SHOC2: variants seen among roughly 807,000 people sequenced by gnomAD.
SHOC2 encodes leucine-rich repeat protein SHOC-2.
SHOC2 carries 4 observed loss-of-function variants against 50.2 expected under a neutral mutation model. The ratio of observed to expected loss-of-function variants is 0.08; its 90% confidence interval spans 0.04 to 0.18. The LOEUF (loss-of-function observed/expected upper bound fraction) is 0.18, where lower values mean the gene tolerates loss of function less well. SHOC2 is among the 10% of genes least tolerant of loss of function. SHOC2 has a pLI of 1.00. For synonymous variants in SHOC2, 218 were observed against 244.5 expected (o/e 0.89, Z 1.01); for missense variants, 388 against 669.6 (o/e 0.58, Z 4.64).
At chr10:110,989,171 G>A (rs80337471) in intron 3 of SHOC2, among the ~76,000 whole-genome samples, 3,387 of 152,240 alleles carry the variant, frequency 0.022, 108 homozygotes, top group African/African-American at 0.071. Context: ...TTCTACTTTT[G>A]TTGGGTGGAG....
chr10:110,976,905 A>G (rs1203640506), intron 2 of SHOC2, among the ~76,000 whole-genome samples: 2 of 152,086 alleles, frequency 1.3e-5, no homozygotes, highest in African/African-American at 4.8e-5. Context: ...ATTAGACTTT[A>G]CATTTTAAGT....
chr10:110,977,640 T>G (rs1847901761), intron 2 of SHOC2, among the ~76,000 whole-genome samples: 1 of 152,236 alleles, frequency 6.6e-6, no homozygotes. Flanking sequence ...AGTGCTGGAC[T>G]TTGTTCTGGC....
At chr10:110,979,860 C>T (rs1328982891) in intron 2 of SHOC2, among the ~76,000 whole-genome samples, 1 of 140,186 alleles carries the variant, frequency 7.1e-6, no homozygotes. Context: ...TCAACCCAAG[C>T]TCAGTATCTT....
intron 2 of SHOC2, among the ~76,000 whole-genome samples, chr10:110,966,816 T>C (rs1414532298): frequency 6.6e-6 from 1 of 152,196 alleles, no homozygotes; most frequent in Non-Finnish European, 1.5e-5. Flanking sequence ...ATTAGTGACA[T>C]TACTGAAGTT....
chr10:110,976,542 G>A (rs1847881860), intron 2 of SHOC2, among the ~76,000 whole-genome samples: 1 of 152,000 alleles, frequency 6.6e-6, no homozygotes, highest in Admixed American at 6.6e-5. Context: ...AAACTCCTGG[G>A]CTCAAGCAAT....
intron 2 of SHOC2, among the ~76,000 whole-genome samples, chr10:110,983,671 C>T (rs959499758): frequency 5.3e-5 from 8 of 152,154 alleles, no homozygotes; most frequent in Non-Finnish European, 1.2e-4. Flanking sequence ...ACAATAAGTC[C>T]TCATTCCCCT....
intron 1 of SHOC2, among the ~76,000 whole-genome samples, chr10:110,932,650 A>C (rs1008875331): frequency 6.6e-6 from 1 of 152,122 alleles, no homozygotes; most frequent in Non-Finnish European, 1.5e-5. Flanking sequence ...CTTAGATGTT[A>C]TCTCTTTTAA....
intron 2 of SHOC2, among the ~76,000 whole-genome samples, chr10:110,974,374 A>G (rs1352556565): frequency 6.6e-6 from 1 of 152,094 alleles, no homozygotes; most frequent in African/African-American, 2.4e-5. Context: ...AATGCAGTTG[A>G]AAAGACTATA....
rs1564705752 is a variant in SHOC2 at position 110,940,910 on chromosome 10, G to GGTTTTTTTTTTTT, written c.-235+21253_-235+21254insGTTTTTTTTTTTT. On this transcript the variant is annotated intron_variant, in intron 1 of 8. Coordinates refer to ENST00000369452, the MANE Select transcript of SHOC2 (RefSeq NM_007373.4). ...GACAAAATAGTGGTATTTGTGGTGG[G>GGTTTTTTTTTTTT]TTTTTTTTTTTTTTTTTTTTTTTTT... 3.3e-5 allele frequency among the ~76,000 whole-genome samples: 4 copies of GGTTTTTTTTTTTT among 119,504 alleles called. 1 individual carries two copies. The highest frequency in any genetic ancestry group is 6.4e-5 in the African/African-American group (2 of 31,418). The allele number at this position is 119,504 out of a possible 152,430, so 78.4% of individuals were successfully genotyped here.
chr10:110,963,915 C>A (rs1010200396), intron 1 of SHOC2, among the ~76,000 whole-genome samples: 1 of 152,252 alleles, frequency 6.6e-6, no homozygotes, highest in East Asian at 1.9e-4. Context: ...TACATTCATA[C>A]ATCTTCCTAT....
chr10:110,921,997 T>A (rs543325352), intron 1 of SHOC2, among the ~76,000 whole-genome samples: 1 of 152,230 alleles, frequency 6.6e-6, no homozygotes, highest in Non-Finnish European at 1.5e-5. Flanking sequence ...AACTACCGTA[T>A]TCAGAAAGTT....
chr10:110,985,703 G>A lies in SHOC2; in HGVS notation c.779G>A (p.Cys260Tyr). 1 of 1,612,618 alleles carries A rather than the reference G, an allele frequency of 6.2e-7. No homozygotes were observed. Among genetic ancestry groups the A allele is most frequent in the Non-Finnish European group, 8.5e-7 (1 of 1,179,278 alleles). Residue 260 changes from cysteine to tyrosine, a missense_variant, in exon 3 of 9, where the codon TGT becomes TAT. Around this residue, in one of 5 missense-constraint regions of SHOC2, gnomAD observed 88 missense variants for 147.2 expected, o/e 0.60. Coordinates refer to ENST00000369452, the MANE Select transcript of SHOC2 (RefSeq NM_007373.4). ...LEHLPKEIGN[C>Y]TQITNLDLQH... The stretch of plus-strand genomic sequence containing the variant: ...CACCTTCCAAAGGAGATTGGAAACT[G>A]TACACAGATAACCAACCTTGACTTG...
At chr10:110,956,043 A>G (rs1031773245) in intron 1 of SHOC2, among the ~76,000 whole-genome samples, 3 of 152,238 alleles carry the variant, frequency 2.0e-5, no homozygotes, top group African/African-American at 2.4e-5. Context: ...ACCCAAATAT[A>G]TGGCTATGTA....
intron 1 of SHOC2, among the ~76,000 whole-genome samples, chr10:110,936,438 C>T (rs967788052): frequency 1.3e-5 from 2 of 152,098 alleles, no homozygotes; most frequent in Admixed American, 6.5e-5. Flanking sequence ...TTCCCTCCTC[C>T]TTCACATGTT....
In SHOC2 at chr10:110,957,537, C is replaced by T. The variant is rs56137343; in HGVS notation, c.-234-6588C>T. On this transcript the variant is annotated intron_variant, in intron 1 of 8. Transcript: ENST00000369452. The stretch of plus-strand genomic sequence containing the variant: ...AGATTCTTAATCATGAAGATACCCC[C>T]CCCCCAGCCCACAATTTCCAACTCA... 4.4e-4 allele frequency among the ~76,000 whole-genome samples: 66 copies of T among 150,064 alleles called. 1 individual carries two copies. Among genetic ancestry groups the T allele is most frequent in the African/African-American group, 1.3e-3 (52 of 40,728 alleles).
chr10:110,938,571 G>A (rs1847075896), intron 1 of SHOC2, among the ~76,000 whole-genome samples: 1 of 152,080 alleles, frequency 6.6e-6, no homozygotes, highest in South Asian at 2.1e-4. Flanking sequence ...GATATTGATA[G>A]ATATTTCCCA....
At chr10:110,959,212 A>G (rs1238794187) in intron 1 of SHOC2, among the ~76,000 whole-genome samples, 1 of 152,178 alleles carries the variant, frequency 6.6e-6, no homozygotes, top group Non-Finnish European at 1.5e-5. Context: ...AGAAGTGCAA[A>G]CTGATATAGA....
chr10:111,005,010 G>A (rs1256284570), intron 5 of SHOC2, among the ~76,000 whole-genome samples: 1 of 152,152 alleles, frequency 6.6e-6, no homozygotes, highest in Non-Finnish European at 1.5e-5. Flanking sequence ...TCATTGTCCA[G>A]CTCAGTGGCT....
chr10:110,979,732 T>C (rs931037147), intron 2 of SHOC2, among the ~76,000 whole-genome samples: 1 of 152,220 alleles, frequency 6.6e-6, no homozygotes, highest in African/African-American at 2.4e-5. Context: ...CCACTAAATA[T>C]TTTACGTAGA....
Sources: allele counts gnomAD v4.1 joint callset (sites outside exome capture counted in the v4.1 genomes callset), GRCh38; gene constraint gnomAD v4.1.1; regional missense constraint gnomAD v4.1.1; transcripts MANE v1.5; gene names NCBI Gene and HGNC (gene_info 2026-07-23, HGNC 2026-07-21).